The following EGF variants were observed in gnomAD, a reference collection of about 807,000 sequenced individuals.
EGF encodes the protein pro-epidermal growth factor.
EGF carries 95 observed loss-of-function variants against 143.8 expected under a neutral mutation model. The observed-to-expected ratio is 0.66, with a 90% confidence interval of 0.56 to 0.78. The LOEUF (loss-of-function observed/expected upper bound fraction) is 0.78. Among genes scored for constraint, EGF ranks in the 30% least tolerant of loss-of-function variants. The pLI, the probability that EGF is intolerant of heterozygous loss-of-function variation, is 0.00. For missense variants in EGF, 1,320 were observed against 1,470.9 expected, an observed-to-expected ratio of 0.90 and a Z score of 1.68; for synonymous variants, 510 against 510.5, an observed-to-expected ratio of 1.00 and a Z score of 0.01.
chr4:109,974,702 G>A lies in EGF; in HGVS notation c.1725-1G>A, dbSNP rs750863292. The A allele has an allele frequency of 6.2e-7, 1 of 1,609,750 alleles. No homozygotes were observed. The highest frequency in any genetic ancestry group is 2.2e-5 in the East Asian group (1 of 44,794). On this transcript the variant is annotated splice_acceptor_variant, in intron 11 of 23. Transcript: ENST00000265171. LOFTEE classifies it high-confidence loss of function. ...ACTCCCTTATTTTGCACATATTTTA[G>A]GAAATCTCTGATTGGAAGGAGTGAT...
Position 110,012,088 on chromosome 4 carries a change from C to T in EGF, c.*633C>T, listed in dbSNP as rs1444850447. On this transcript the variant is annotated 3_prime_UTR_variant, in exon 24 of 24. Transcript: ENST00000265171. ...TTTTAAAATATTACACAGGAGGCTT[C>T]GGAGTTTCTTAGTCATTACTGTCCT... The T allele has an allele frequency of 2.6e-5, 4 of 152,392 alleles. No individual in the cohort carries two copies. The highest frequency in any genetic ancestry group is 5.9e-5 in the Non-Finnish European group (4 of 68,268). The allele number at this position is 152,392 out of a possible 1,614,324, so 9.4% of individuals were successfully genotyped here.
chr4:109,927,125 C>A (rs1161817822), intron 1 of EGF, among the ~76,000 whole-genome samples: 1 of 152,094 alleles, frequency 6.6e-6, no homozygotes, highest in Non-Finnish European at 1.5e-5. Flanking sequence ...ATTTGCTGGT[C>A]TAATTCAACA....
At chr4:109,961,799 G>A in intron 7 of EGF, 64 bp from the exon 8 acceptor site, 3 of 1,602,754 alleles carry the variant, frequency 1.9e-6, no homozygotes, top group Non-Finnish European at 2.6e-6. Flanking sequence ...ATTAGCAACT[G>A]ATTGCAATAA....
intron 23 of EGF, among the ~76,000 whole-genome samples, chr4:110,009,828 C>T (rs1447923664): frequency 1.3e-5 from 2 of 152,172 alleles, no homozygotes; most frequent in Non-Finnish European, 2.9e-5. Flanking sequence ...TAGTGTAGTT[C>T]CATAAAACCA....
At chr4:109,916,983 G>C (rs753661895) in intron 1 of EGF, among the ~76,000 whole-genome samples, 26 of 152,198 alleles carry the variant, frequency 1.7e-4, no homozygotes, top group Non-Finnish European at 3.5e-4. Flanking sequence ...AACTTGATTT[G>C]AGTAAGTACC....
At chr4:109,925,499 C>T (rs934789783) in intron 1 of EGF, among the ~76,000 whole-genome samples, 22 of 152,092 alleles carry the variant, frequency 1.4e-4, no homozygotes, top group African/African-American at 5.3e-4. Context: ...CTATTATTCC[C>T]ATTTTATTTT....
At chr4:109,936,328 T>G (rs931305959) in intron 1 of EGF, among the ~76,000 whole-genome samples, 6 of 152,226 alleles carry the variant, frequency 3.9e-5, no homozygotes, top group Admixed American at 3.9e-4. Flanking sequence ...TGTAGTTTAT[T>G]TGCATAGAGG....
At chr4:109,913,523 G>A (rs2125914144) in intron 1 of EGF, 61 bp downstream of exon 1, 3 of 1,591,002 alleles carry the variant, frequency 1.9e-6, no homozygotes, top group South Asian at 1.1e-5. Flanking sequence ...CATCCCTGTT[G>A]GTTCAATCTG....
At position 109,947,185 on chromosome 4, in the gene EGF, A is replaced by AG. The variant is rs397830564; in HGVS notation, c.940+1910_940+1911insG. 2.2e-4 allele frequency among the ~76,000 whole-genome samples: 33 copies of AG among 151,700 alleles called. 1 individual carries two copies. The South Asian group carries it at 6.9e-3, about 32-fold the overall frequency. On this transcript the variant is annotated intron_variant, in intron 5 of 23. Coordinates refer to ENST00000265171, the MANE Select transcript of EGF (RefSeq NM_001963.6). ...ATACCACAAGGGGCCTACAGAAAAA[A>AG]AGTTGTCAGGTTTTTAAAAATTTGT... is the stretch of plus-strand genomic sequence containing the variant.
chr4:110,009,708 G>A (rs576460134), intron 23 of EGF, among the ~76,000 whole-genome samples: 13 of 152,038 alleles, frequency 8.6e-5, no homozygotes, highest in Non-Finnish European at 1.3e-4. Flanking sequence ...GTGAAAATGC[G>A]CATAGAGATT....
chr4:109,930,852 C>T (rs928341600), intron 1 of EGF, among the ~76,000 whole-genome samples: 8 of 152,242 alleles, frequency 5.3e-5, no homozygotes, highest in African/African-American at 1.9e-4. Context: ...TGAACATCTT[C>T]AATGTGCTCC....
At chr4:109,960,715 C>A in intron 6 of EGF, 152 bp from the exon 7 acceptor site, 1 of 784,378 alleles carries the variant, frequency 1.3e-6, no homozygotes, top group Non-Finnish European at 2.0e-6. Context: ...ACTTATTTTA[C>A]CCTTTGCTAG....
At chr4:110,007,340 G>T in intron 22 of EGF, among the ~76,000 whole-genome samples, 1 of 152,214 alleles carries the variant, frequency 6.6e-6, no homozygotes, top group East Asian at 1.9e-4. Context: ...AATGAAGCGT[G>T]ATCGGCCAAA....
At position 109,913,038 on chromosome 4, in the gene EGF, G is replaced by A. The variant is rs867336307; in HGVS notation, c.-298G>A. On this transcript the variant is annotated 5_prime_UTR_variant, in exon 1 of 24. Transcript: ENST00000265171. ...TGTCACAGTGAAGTCAGCCAGAGCAGGGCTGTTAAACTCTGTGAAATTTGT... is the reference window on the plus strand; with the variant it reads ...TGTCACAGTGAAGTCAGCCAGAGCAAGGCTGTTAAACTCTGTGAAATTTGT... 2 of 373,156 alleles carry A rather than the reference G, an allele frequency of 5.4e-6. No homozygotes were observed. Among genetic ancestry groups the A allele is most frequent in the African/African-American group, 2.1e-5 (1 of 47,656 alleles). The allele number at this position is 373,156 out of a possible 1,614,324, so 23.1% of individuals were successfully genotyped here. A position where few individuals can be genotyped will look rare whatever the true frequency, so the allele number is the denominator to read the frequency against.
At chr4:109,959,244 G>C (rs915582463) in intron 5 of EGF, 68 bp from the exon 6 acceptor site, 9 of 1,607,670 alleles carry the variant, frequency 5.6e-6, no homozygotes, top group Non-Finnish European at 7.6e-6. Flanking sequence ...TTAAGAATCA[G>C]GAAAAGATTT....
At chr4:109,999,545 T>C in intron 20 of EGF, 134 bp from the exon 21 acceptor site, 1 of 1,134,574 alleles carries the variant, frequency 8.8e-7, no homozygotes, top group Non-Finnish European at 1.3e-6. Context: ...TGACCCCTGA[T>C]GGATTTTCTA....
intron 1 of EGF, among the ~76,000 whole-genome samples, chr4:109,922,314 G>A (rs1297880491): frequency 2.0e-5 from 3 of 151,536 alleles, no homozygotes; most frequent in Non-Finnish European, 4.4e-5. Flanking sequence ...GGGAAAAAAT[G>A]AGGTATTTGA....
intron 5 of EGF, among the ~76,000 whole-genome samples, chr4:109,952,741 G>T (rs763713730): frequency 6.6e-6 from 1 of 152,168 alleles, no homozygotes; most frequent in African/African-American, 2.4e-5. Flanking sequence ...ACATTTACAA[G>T]GATACATGCC....
At chr4:109,998,783 A>T (rs970214086) in intron 20 of EGF, among the ~76,000 whole-genome samples, 1 of 152,182 alleles carries the variant, frequency 6.6e-6, no homozygotes, top group Non-Finnish European at 1.5e-5. Context: ...TTTTGGAATA[A>T]AGTGGGGACA....
Sources: gnomAD v4.1 joint callset for allele counts (sites outside exome capture counted in the v4.1 genomes callset) on GRCh38, gnomAD v4.1.1 for gene constraint, MANE v1.5 for transcripts, NCBI Gene and HGNC (gene_info 2026-07-23, HGNC 2026-07-21) for gene names.